Variants in PADI4 observed in about 807,000 individuals in gnomAD.
The protein encoded by PADI4 is protein-arginine deiminase type-4.
A neutral mutation model predicts 75.0 loss-of-function variants in PADI4; 62 were observed. That is an observed-to-expected ratio of 0.83 (90% CI 0.67 to 1.02). The LOEUF (loss-of-function observed/expected upper bound fraction) is 1.02, where lower values mean the gene tolerates loss of function less well. PADI4 is among the 50% of genes least tolerant of loss of function. The pLI, the probability that PADI4 is intolerant of heterozygous loss-of-function variation, is 0.00. For synonymous variants in PADI4, 361 were observed against 348.1 expected (o/e 1.04, Z -0.41); for missense variants, 845 against 850.5 (o/e 0.99, Z 0.08).
chr1:17,361,502 A>G (rs1215393787), intron 15 of PADI4, among the ~76,000 whole-genome samples: 2 of 152,232 alleles, frequency 1.3e-5, no homozygotes. Flanking sequence ...CGAGGCACTT[A>G]GCACGCATGG....
At chr1:17,357,542 A>G (rs1276172511) in intron 13 of PADI4, among the ~76,000 whole-genome samples, 1 of 152,188 alleles carries the variant, frequency 6.6e-6, no homozygotes, top group South Asian at 2.1e-4. Flanking sequence ...GATTCCATCC[A>G]TTCACTATAC....
At chr1:17,318,181 G>C (rs772231197) in intron 1 of PADI4, among the ~76,000 whole-genome samples, 12 of 152,228 alleles carry the variant, frequency 7.9e-5, no homozygotes, top group Non-Finnish European at 1.5e-4. Flanking sequence ...TTTAGGAAGT[G>C]CTGGATGCTG....
At chr1:17,339,549 A>G (rs1204788059) in intron 5 of PADI4, 139 bp from the exon 6 acceptor site, 2 of 816,164 alleles carry the variant, frequency 2.5e-6, no homozygotes, top group Admixed American at 2.3e-5. Context: ...GCATAAAGAA[A>G]AGAAAACCAG....
At chr1:17,312,181 C>T (rs1387219223) in intron 1 of PADI4, among the ~76,000 whole-genome samples, 3 of 151,972 alleles carry the variant, frequency 2.0e-5, no homozygotes, top group Admixed American at 6.6e-5. Context: ...GGAATTGGGC[C>T]GGATGTGGTG....
At chr1:17,352,646 T>C (rs1178738353) in intron 10 of PADI4, among the ~76,000 whole-genome samples, 1 of 152,104 alleles carries the variant, frequency 6.6e-6, no homozygotes, top group Admixed American at 6.5e-5. Flanking sequence ...ACAGCAAGGC[T>C]GTGACCTCTG....
At chr1:17,351,194 C>T (rs1221971125) in intron 10 of PADI4, among the ~76,000 whole-genome samples, 5 of 105,094 alleles carry the variant, frequency 4.8e-5, no homozygotes. Flanking sequence ...GAGACCTTGT[C>T]CCAGAGGAAA....
At chr1:17,323,068 G>A (rs901765754) in intron 1 of PADI4, among the ~76,000 whole-genome samples, 1 of 152,202 alleles carries the variant, frequency 6.6e-6, no homozygotes, top group African/African-American at 2.4e-5. Context: ...CACCAGGGAA[G>A]GTGACACTTC....
rs2074761094 is a variant in PADI4 at position 17,356,409 on chromosome 1, A to C, written c.1508A>C (p.Glu503Ala). 3 of 1,613,746 alleles carry C rather than the reference A, an allele frequency of 1.9e-6. No individual in the cohort carries two copies. In the East Asian group the frequency reaches 6.7e-5, roughly 36 times the overall value. ...AGGTCCTGCTACAAACTGTTCCAGGAGCAGCAGAATGAGGGCCACGGGGAG... is the reference window on the plus strand; with the variant it reads ...AGGTCCTGCTACAAACTGTTCCAGGCGCAGCAGAATGAGGGCCACGGGGAG... ...SPRSCYKLFQEQQNEGHGEAL... is the reference protein window; with the variant it reads ...SPRSCYKLFQAQQNEGHGEAL... The change falls in exon 13 of 16, where the codon GAG becomes GCG. Residue 503 changes from glutamate to alanine, a missense_variant. Glu to Ala is a moderately radical substitution (Grantham distance 107, BLOSUM62 -1). Coordinates refer to ENST00000375448, the MANE Select transcript of PADI4 (RefSeq NM_012387.3). The surrounding 1 kb of genome is among the most constrained non-coding windows in gnomAD (Gnocchi z 4.1).
chr1:17,341,101 C>CTT (rs34852999), intron 6 of PADI4, among the ~76,000 whole-genome samples: 55 of 119,820 alleles, frequency 4.6e-4, no homozygotes, highest in African/African-American at 1.2e-3. Flanking sequence ...GCCTCTGTTT[C>CTT]TTTTTTTTTT....
chr1:17,336,226 G>A lies in PADI4; in HGVS notation c.408G>A (p.Gln136=), dbSNP rs773662071. Residue 136 remains glutamine (Q), a splice_region_variant and synonymous_variant, in exon 4 of 16, where the codon CAG becomes CAA. Coordinates refer to ENST00000375448, the MANE Select transcript of PADI4 (RefSeq NM_012387.3). The stretch of plus-strand genomic sequence containing the variant: ...AGCCAACCAGAGCTGTGAAAGATCA[G>A]GTACCACTCACCCAAACGCTCCTTT... ...KVKPTRAVKD[Q]RTWTWGPCGQ... 1 of 1,612,870 alleles carries A rather than the reference G, an allele frequency of 6.2e-7. No individual in the cohort carries two copies. Among genetic ancestry groups the A allele is most frequent in the Admixed American group, 1.7e-5 (1 of 60,000 alleles).
chr1:17,347,080 G>A (rs1459210124), intron 9 of PADI4, among the ~76,000 whole-genome samples: 1 of 151,906 alleles, frequency 6.6e-6, no homozygotes, highest in Non-Finnish European at 1.5e-5. Flanking sequence ...TGTAATTACA[G>A]GCATGTGCCA....
chr1:17,351,442 T>TTAAAAA (rs2074619149), intron 10 of PADI4, among the ~76,000 whole-genome samples: 1 of 145,060 alleles, frequency 6.9e-6, no homozygotes, highest in Non-Finnish European at 1.5e-5. Context: ...AAAAAAAAAA[T>TTAAAAA]TAAAAATAAA....
chr1:17,360,808 C>T (rs1279743368), intron 15 of PADI4, among the ~76,000 whole-genome samples: 1 of 152,142 alleles, frequency 6.6e-6, no homozygotes, highest in Non-Finnish European at 1.5e-5. Flanking sequence ...CTGGAGGGTC[C>T]GGGAAGGCCT....
chr1:17,330,849 T>C, intron 1 of PADI4, 120 bp from the exon 2 acceptor site: 1 of 653,840 alleles, frequency 1.5e-6, no homozygotes, highest in South Asian at 2.2e-5. Flanking sequence ...CTTCGCATCT[T>C]TCAGTCCAAA....
Position 17,362,465 on chromosome 1 carries a change from G to C in PADI4, c.1759-1057G>C, listed in dbSNP as rs543681024. Among the ~76,000 whole-genome samples the C allele has an allele frequency of 5.5e-4, 84 of 151,900 alleles. 2 individuals are homozygous for C. The highest frequency in any genetic ancestry group is 4.1e-4 in the Non-Finnish European group (28 of 67,994). On this transcript the variant is annotated intron_variant, in intron 15 of 15. Transcript: ENST00000375448. ...AAAATCAAATACTGCATGTTCTCAC[G>C]TATAGGTAGAAGCTAAACAGTGGAT...
intron 1 of PADI4, among the ~76,000 whole-genome samples, chr1:17,322,611 G>T (rs1034324012): frequency 2.0e-5 from 3 of 152,082 alleles, no homozygotes; most frequent in African/African-American, 7.2e-5. Context: ...TGTGAGGGAA[G>T]TATGTAGCTT....
chr1:17,327,760 G>T (rs917562619), intron 1 of PADI4, among the ~76,000 whole-genome samples: 3 of 151,746 alleles, frequency 2.0e-5, no homozygotes, highest in African/African-American at 7.2e-5. Flanking sequence ...TGGCCAGGCC[G>T]GTCTCAAACT....
At position 17,341,981 on chromosome 1, in the gene PADI4, C is replaced by A. The variant is rs773389520; in HGVS notation, c.691C>A (p.Pro231Thr). ...LSSKCSVVLG[P>T]KWPSHYLMVP... ...CTCCAAGTGCAGCGTAGTCTTGGGT[C>A]CCAAGTGGCCCTCTCACTACCTGAT... The change falls in exon 7 of 16, where the codon CCC becomes ACC. Residue 231 changes from proline (P) to threonine (T), a missense_variant. By Grantham distance (38) the Pro-to-Thr change is conservative. Transcript: ENST00000375448. 44 of 1,613,916 alleles carry A rather than the reference C, an allele frequency of 2.7e-5. 1 individual carries two copies. In the South Asian group the frequency reaches 4.6e-4, roughly 17 times the overall value.
In PADI4 at chr1:17,338,065, C is replaced by T; in HGVS notation, c.436C>T (p.Gln146Ter). The T allele has an allele frequency of 6.2e-7, 1 of 1,613,490 alleles. No individual in the cohort carries two copies. The highest frequency in any genetic ancestry group is 8.5e-7 in the Non-Finnish European group (1 of 1,179,494). The change falls in exon 5 of 16, where the codon CAG (glutamine) becomes TAG (stop). Residue 146 changes from glutamine to a stop codon, truncating the protein, a stop_gained. Transcript: ENST00000375448. LOFTEE classifies it high-confidence loss of function. Reference sequence around the variant, plus strand: ...GACCTGGACCTGGGGCCCTTGTGGACAGGGTGCCATCCTGCTGGTGAACTG... The same window carrying T: ...GACCTGGACCTGGGGCCCTTGTGGATAGGGTGCCATCCTGCTGGTGAACTG... ...QRTWTWGPCGQGAILLVNCDR... is the reference protein window; with the variant it reads ...QRTWTWGPCG
Sources: allele counts gnomAD v4.1 joint callset (sites outside exome capture counted in the v4.1 genomes callset), GRCh38; gene constraint gnomAD v4.1.1; non-coding constraint Gnocchi (gnomAD v3.1); transcripts MANE v1.5; gene names NCBI Gene and HGNC (gene_info 2026-07-23, HGNC 2026-07-21).